ADAMTS6: variants seen among roughly 807,000 people sequenced by gnomAD.
The protein encoded by ADAMTS6 is ADAM metallopeptidase with thrombospondin type 1 motif 6.
A neutral mutation model predicts 144.3 loss-of-function variants in ADAMTS6; 23 were observed. The ratio of observed to expected loss-of-function variants is 0.16; its 90% CI spans 0.11 to 0.23. The LOEUF (loss-of-function observed/expected upper bound fraction) is 0.23. Among genes scored for constraint, ADAMTS6 ranks in the 10% least tolerant of loss-of-function variants. The pLI, the probability that ADAMTS6 is intolerant of heterozygous loss-of-function variation, is 1.00. For missense variants in ADAMTS6, 999 were observed against 1,379.6 expected, an observed-to-expected ratio of 0.72 and a Z score of 4.37; for synonymous variants, 444 against 457.5, an observed-to-expected ratio of 0.97 and a Z score of 0.38.
chr5:65,400,815 A>G (rs1484296437), intron 7 of ADAMTS6, among the ~76,000 whole-genome samples: 1 of 152,084 alleles, frequency 6.6e-6, no homozygotes, highest in Non-Finnish European at 1.5e-5. Flanking sequence ...TTCTTTCCTC[A>G]GTCATGTCCA....
intron 11 of ADAMTS6, among the ~76,000 whole-genome samples, chr5:65,281,116 T>C (rs1762958345): frequency 6.6e-6 from 1 of 152,214 alleles, no homozygotes. Context: ...TTCATCATGG[T>C]AATCTCTTTA....
At chr5:65,447,780 A>C (rs1758383058) in intron 7 of ADAMTS6, among the ~76,000 whole-genome samples, 1 of 151,316 alleles carries the variant, frequency 6.6e-6, no homozygotes, top group Non-Finnish European at 1.5e-5. Context: ...TATTTTAACT[A>C]AAATTATAGA....
At chr5:65,206,699 C>CAAAAAAAAAA (rs11296295) in intron 20 of ADAMTS6, among the ~76,000 whole-genome samples, 1 of 77,890 alleles carries the variant, frequency 1.3e-5, no homozygotes, top group African/African-American at 5.1e-5. Flanking sequence ...GACTCCATCT[C>CAAAAAAAAAA]AAAAAAAAAA....
chr5:65,256,969 C>T (rs1760716770), intron 14 of ADAMTS6, among the ~76,000 whole-genome samples: 2 of 134,134 alleles, frequency 1.5e-5, no homozygotes, highest in African/African-American at 6.4e-5. Context: ...TTTTCTCTCT[C>T]TCTCTCTCTC....
intron 20 of ADAMTS6, among the ~76,000 whole-genome samples, chr5:65,213,006 G>C (rs185516670): frequency 7.2e-5 from 11 of 152,254 alleles, no homozygotes; most frequent in Non-Finnish European, 1.3e-4. Context: ...AATTGAATTG[G>C]ATAAAAGATA....
intron 7 of ADAMTS6, among the ~76,000 whole-genome samples, chr5:65,378,788 A>T (rs1554080000): frequency 6.6e-6 from 1 of 152,218 alleles, no homozygotes; most frequent in Non-Finnish European, 1.5e-5. Context: ...TATTTCATAT[A>T]AATTAAGCTT....
chr5:65,412,774 CTAAAT>C (rs1019317466), intron 7 of ADAMTS6, among the ~76,000 whole-genome samples: 28 of 151,928 alleles, frequency 1.8e-4, no homozygotes, highest in African/African-American at 6.0e-4. Context: ...AATGATGAAA[CTAAAT>C]TAAAAGTAAT....
At chr5:65,245,518 T>C (rs1759550398) in intron 14 of ADAMTS6, among the ~76,000 whole-genome samples, 1 of 152,166 alleles carries the variant, frequency 6.6e-6, no homozygotes, top group Non-Finnish European at 1.5e-5. Flanking sequence ...ACTCTCATCA[T>C]CCATGTAATC....
chr5:65,231,779 G>A (rs1203590004), intron 15 of ADAMTS6, among the ~76,000 whole-genome samples: 1 of 151,994 alleles, frequency 6.6e-6, no homozygotes, highest in Non-Finnish European at 1.5e-5. Flanking sequence ...ACCATCAATG[G>A]GCCAAAGAAG....
intron 7 of ADAMTS6, among the ~76,000 whole-genome samples, chr5:65,405,706 G>A (rs1490313567): frequency 1.3e-5 from 2 of 152,124 alleles, no homozygotes; most frequent in Non-Finnish European, 2.9e-5. Context: ...GCTTGATGGG[G>A]ATGGCATTGA....
chr5:65,453,741 AT>A (rs1218472200), intron 4 of ADAMTS6, among the ~76,000 whole-genome samples: 1 of 152,220 alleles, frequency 6.6e-6, no homozygotes, highest in East Asian at 1.9e-4. Flanking sequence ...GGTTCTCTGT[AT>A]ATCTCACTTC....
intron 1 of ADAMTS6, among the ~76,000 whole-genome samples, 173 bp from the exon 2 acceptor site, chr5:65,474,125 A>G (rs1449699861): frequency 6.6e-6 from 1 of 152,198 alleles, no homozygotes; most frequent in Non-Finnish European, 1.5e-5. Context: ...ACACAGAATT[A>G]GAGACCAAAA....
Position 65,151,957 on chromosome 5 carries a change from G to A in ADAMTS6, c.3245-12C>T, listed in dbSNP as rs1445733184. ...CACATCTTTGCACTCTAACGAATGGGGGCAGAAAATGGAAAACAATTAGAG... is the reference window on the plus strand; with the variant it reads ...CACATCTTTGCACTCTAACGAATGGAGGCAGAAAATGGAAAACAATTAGAG... On this transcript the variant is annotated splice_polypyrimidine_tract_variant and intron_variant, in intron 24 of 24. Transcript: ENST00000381055. The A allele has an allele frequency of 6.2e-7, 1 of 1,603,224 alleles. No homozygotes were observed. Among genetic ancestry groups the A allele is most frequent in the Non-Finnish European group, 8.5e-7 (1 of 1,170,958 alleles).
At chr5:65,328,654 T>G (rs1746409832) in intron 9 of ADAMTS6, among the ~76,000 whole-genome samples, 1 of 151,738 alleles carries the variant, frequency 6.6e-6, no homozygotes, top group South Asian at 2.1e-4. Flanking sequence ...CAGTCAAATT[T>G]CAACACAAAT....
chr5:65,237,416 C>CAATAAAATAAAATAA (rs1471931746), intron 15 of ADAMTS6, among the ~76,000 whole-genome samples: 1 of 50,860 alleles, frequency 2.0e-5, no homozygotes, highest in African/African-American at 1.0e-4. Context: ...GAAAACTCCA[C>CAATAAAATAAAATAA]AAGAAAATAA....
At chr5:65,476,125 T>A (rs143477406) in intron 1 of ADAMTS6, among the ~76,000 whole-genome samples, 1 of 152,238 alleles carries the variant, frequency 6.6e-6, no homozygotes, top group Admixed American at 6.5e-5. Context: ...GAGGCCCACA[T>A]TGAAGAAACT....
At chr5:65,393,910 C>T (rs985028530) in intron 7 of ADAMTS6, among the ~76,000 whole-genome samples, 3 of 152,122 alleles carry the variant, frequency 2.0e-5, no homozygotes, top group African/African-American at 4.8e-5. Context: ...GTCAGGAAAA[C>T]TGTGTAGCTG....
intron 11 of ADAMTS6, among the ~76,000 whole-genome samples, chr5:65,284,275 A>G (rs1378488064): frequency 6.6e-6 from 1 of 152,082 alleles, no homozygotes; most frequent in Non-Finnish European, 1.5e-5. Context: ...AGAGAACTCA[A>G]CTATCTTGTC....
At chr5:65,274,022 A>G (rs1392562020) in intron 11 of ADAMTS6, among the ~76,000 whole-genome samples, 1 of 152,152 alleles carries the variant, frequency 6.6e-6, no homozygotes, top group African/African-American at 2.4e-5. Context: ...CAGTACATCA[A>G]TTTAGCCTAC....
Sources: gnomAD v4.1 joint callset for allele counts (sites outside exome capture counted in the v4.1 genomes callset) on GRCh38, gnomAD v4.1.1 for gene constraint, MANE v1.5 for transcripts, NCBI Gene and HGNC (gene_info 2026-07-23, HGNC 2026-07-21) for gene names.